Variants in GRIN2A observed in about 807,000 individuals in gnomAD.
GRIN2A encodes glutamate ionotropic receptor NMDA type subunit 2A.
GRIN2A carries 22 observed loss-of-function variants against 113.4 expected under a neutral mutation model. The ratio of observed to expected loss-of-function variants is 0.19; its 90% CI spans 0.14 to 0.28. The LOEUF (loss-of-function observed/expected upper bound fraction) is 0.28, where lower values mean the gene tolerates loss of function less well. GRIN2A is among the 10% of genes least tolerant of loss of function. The pLI is 1.00. For synonymous variants in GRIN2A, 827 were observed against 738.4 expected (o/e 1.12, Z -1.94); for missense variants, 1,502 against 1,887.0 (o/e 0.80, Z 3.78).
At chr16:10,141,623 C>G (rs1372409019) in intron 2 of GRIN2A, among the ~76,000 whole-genome samples, 1 of 152,184 alleles carries the variant, frequency 6.6e-6, no homozygotes, top group Non-Finnish European at 1.5e-5. Flanking sequence ...GTTACATCAC[C>G]CACCTTGTCT....
chr16:10,099,659 C>T (rs756920078), intron 2 of GRIN2A, among the ~76,000 whole-genome samples: 10 of 152,186 alleles, frequency 6.6e-5, no homozygotes, highest in Non-Finnish European at 1.3e-4. Context: ...GATTTGCTGG[C>T]TTGTTTACTG....
intron 3 of GRIN2A, among the ~76,000 whole-genome samples, chr16:9,929,235 T>A (rs1343623083): frequency 6.6e-6 from 1 of 152,148 alleles, no homozygotes; most frequent in Non-Finnish European, 1.5e-5. Context: ...GCATTTTCGG[T>A]TTGTACTCAG....
intron 2 of GRIN2A, among the ~76,000 whole-genome samples, chr16:9,953,516 G>A (rs910721150): frequency 2.6e-5 from 4 of 152,130 alleles, no homozygotes; most frequent in Non-Finnish European, 4.4e-5. Context: ...CACCAAGAAG[G>A]TGGATAGGCA....
chr16:9,880,383 G>GT (rs145533152), intron 4 of GRIN2A, among the ~76,000 whole-genome samples: 6,355 of 152,006 alleles, frequency 0.042, 465 homozygotes, highest in African/African-American at 0.15. Flanking sequence ...AGTTTTCGCT[G>GT]TTTTTTTTAA....
intron 2 of GRIN2A, among the ~76,000 whole-genome samples, chr16:10,123,303 A>T (rs866786859): frequency 6.6e-5 from 10 of 152,174 alleles, no homozygotes; most frequent in Middle Eastern, 3.2e-3. Flanking sequence ...ATGTAATACT[A>T]TGTCAACAAC....
intron 3 of GRIN2A, among the ~76,000 whole-genome samples, chr16:9,925,093 C>T (rs986438202): frequency 1.4e-4 from 21 of 152,156 alleles, no homozygotes; most frequent in African/African-American, 5.1e-4. Flanking sequence ...TAACTTTTTT[C>T]GTGCTGATAT....
At chr16:10,007,887 A>T (rs1273601602) in intron 2 of GRIN2A, among the ~76,000 whole-genome samples, 1 of 152,206 alleles carries the variant, frequency 6.6e-6, no homozygotes, top group Non-Finnish European at 1.5e-5. Context: ...GAAGGTCCTA[A>T]GCAGGAAGGA....
chr16:9,962,748 T>G lies in GRIN2A; in HGVS notation c.415-24197A>C, dbSNP rs556673810. ...GGGATCTAGAACTAGAAATACCATT[T>G]GACCCAGCCATCCCATTACTGAGTA... On this transcript the variant is annotated intron_variant, in intron 2 of 12. Coordinates refer to ENST00000330684, the MANE Select transcript of GRIN2A (RefSeq NM_001134407.3). 5.9e-5 allele frequency among the ~76,000 whole-genome samples: 9 copies of G among 152,276 alleles called. No individual in the cohort carries two copies. The East Asian group carries it at 1.7e-3, about 29-fold the overall frequency.
intron 2 of GRIN2A, among the ~76,000 whole-genome samples, chr16:10,139,495 G>A (rs772144526): frequency 1.2e-4 from 18 of 152,256 alleles, no homozygotes; most frequent in Non-Finnish European, 1.9e-4. Context: ...TTGTCTGTCT[G>A]TAGGGTTTGG....
chr16:9,830,113 G>T (rs367834296), intron 8 of GRIN2A, among the ~76,000 whole-genome samples: 2 of 152,168 alleles, frequency 1.3e-5, no homozygotes, highest in Non-Finnish European at 2.9e-5. Context: ...TAATCCGATT[G>T]TCCCTAGCAA....
chr16:9,785,995 G>A (rs1902209038), intron 11 of GRIN2A, among the ~76,000 whole-genome samples: 1 of 152,174 alleles, frequency 6.6e-6, no homozygotes, highest in South Asian at 2.1e-4. Context: ...TGAATACATG[G>A]GAAGGGGGTT....
At chr16:9,964,288 C>T (rs1451637657) in intron 2 of GRIN2A, among the ~76,000 whole-genome samples, 3 of 152,228 alleles carry the variant, frequency 2.0e-5, no homozygotes, top group Admixed American at 6.5e-5. Flanking sequence ...CCCAATCCTG[C>T]ATCTACCACT....
At position 10,055,046 on chromosome 16, in the gene GRIN2A, T is replaced by TAAAAAAA. The variant is rs1567266287; in HGVS notation, c.415-116496_415-116495insTTTTTTT. On this transcript the variant is annotated intron_variant, in intron 2 of 12. Coordinates refer to ENST00000330684, the MANE Select transcript of GRIN2A (RefSeq NM_001134407.3). ...CCAGGCAACAGAGCGAGACTCTATC[T>TAAAAAAA]CAAAAAAAAAAAAAAAAAAAAAAAA... is the stretch of plus-strand genomic sequence containing the variant. Among the ~76,000 whole-genome samples, 46 of 12,484 alleles carry TAAAAAAA rather than the reference T, an allele frequency of 3.7e-3. 3 individuals carry two copies. The highest frequency in any genetic ancestry group is 8.4e-3 in the Admixed American group (5 of 598). 8.2% of individuals were successfully genotyped at this position (12,484 alleles called of 152,430 possible).
intron 4 of GRIN2A, among the ~76,000 whole-genome samples, chr16:9,887,706 G>T (rs1288811584): frequency 6.6e-6 from 1 of 152,152 alleles, no homozygotes; most frequent in Non-Finnish European, 1.5e-5. Context: ...GAGTAAAATT[G>T]CTGGATAAGA....
intron 2 of GRIN2A, among the ~76,000 whole-genome samples, chr16:10,048,954 T>C (rs544253290): frequency 1.3e-5 from 2 of 152,356 alleles, no homozygotes; most frequent in South Asian, 4.1e-4. Context: ...GAGATCTCTC[T>C]GGCCCCAGCC....
In GRIN2A at chr16:9,768,988, C is replaced by T. The variant is rs764289741; in HGVS notation, c.2458G>A (p.Val820Ile). Reference sequence around the variant, plus strand: ...ATGGCGGCAGCCAGCATGTAGAATACGCCCGCCATGTTGTCAATGTCCAGC... The same window carrying T: ...ATGGCGGCAGCCAGCATGTAGAATATGCCCGCCATGTTGTCAATGTCCAGC... ...SQLDIDNMAG[V>I]FYMLAAAMAL... The change falls in exon 12 of 13, where the codon GTA becomes ATA. Residue 820 changes from valine (V) to isoleucine (I), a missense_variant. Physicochemically the swap from Val to Ile is conservative, Grantham distance 29. This residue lies in a region of GRIN2A where 101 missense variants were observed against 240.4 expected (regional missense o/e 0.42). Coordinates refer to ENST00000330684, the MANE Select transcript of GRIN2A (RefSeq NM_001134407.3). 2.5e-6 allele frequency: 4 copies of T among 1,614,088 alleles called. No homozygotes were observed. The highest frequency in any genetic ancestry group is 3.4e-6 in the Non-Finnish European group (4 of 1,179,942).
chr16:10,180,373 C>A lies in GRIN2A; in HGVS notation c.39G>T (p.Pro13=). 2 of 1,607,986 alleles carry A rather than the reference C, an allele frequency of 1.2e-6. No individual in the cohort carries two copies. Among genetic ancestry groups the A allele is most frequent in the Non-Finnish European group, 1.7e-6 (2 of 1,179,858 alleles). ...RVGYWTLLVL[P]ALLVWRGPAP... ...CCGGACCGCGCCAGACCAGAAGGGCCGGCAGCACCAGCAGGGTCCAATAGC... is the reference window on the plus strand; with the variant it reads ...CCGGACCGCGCCAGACCAGAAGGGCAGGCAGCACCAGCAGGGTCCAATAGC... Residue 13 remains proline (P), a synonymous_variant, in exon 2 of 13, where the codon CCG becomes CCT. Transcript: ENST00000330684. The surrounding 1 kb of genome is among the most constrained non-coding windows in gnomAD (Gnocchi z 7.0).
At chr16:9,948,507 G>T (rs1244011912) in intron 2 of GRIN2A, among the ~76,000 whole-genome samples, 14 of 152,142 alleles carry the variant, frequency 9.2e-5, no homozygotes, top group Non-Finnish European at 2.1e-4. Context: ...CTGACCCAGG[G>T]GTCCTGGTGC....
intron 2 of GRIN2A, among the ~76,000 whole-genome samples, chr16:10,017,916 T>C (rs934163606): frequency 1.3e-5 from 2 of 152,248 alleles, no homozygotes; most frequent in Admixed American, 6.5e-5. Context: ...TCTATTATTA[T>C]GTTAATCATG....
Sources: gnomAD v4.1 joint callset for allele counts (sites outside exome capture counted in the v4.1 genomes callset) on GRCh38, gnomAD v4.1.1 for gene constraint, gnomAD v4.1.1 regional missense constraint, Gnocchi (gnomAD v3.1) non-coding constraint, MANE v1.5 for transcripts, NCBI Gene and HGNC (gene_info 2026-07-23, HGNC 2026-07-21) for gene names.